NPHP4: variants seen among roughly 807,000 people sequenced by gnomAD.
The protein encoded by NPHP4 is nephrocystin 4.
A neutral mutation model predicts 155.8 loss-of-function variants in NPHP4; 151 were observed. That is an observed-to-expected ratio of 0.97 (90% CI 0.85 to 1.11). The LOEUF (loss-of-function observed/expected upper bound fraction) is 1.11, where lower values mean the gene tolerates loss of function less well. Ranked by LOEUF, NPHP4 falls within the 50% of genes least tolerant of loss-of-function variation. The pLI is 0.00. For missense variants in NPHP4, 1,956 were observed against 1,925.7 expected (o/e 1.02, Z -0.29); for synonymous variants, 845 against 816.8 (o/e 1.03, Z -0.59).
chr1:5,908,197 C>T (rs759170260), intron 12 of NPHP4, among the ~76,000 whole-genome samples: 5 of 152,214 alleles, frequency 3.3e-5, no homozygotes, highest in Admixed American at 6.5e-5. Context: ...ACCCAGCTTC[C>T]CTCAGACCCT....
chr1:5,969,673 C>G (rs577718175), intron 3 of NPHP4, among the ~76,000 whole-genome samples: 1 of 152,322 alleles, frequency 6.6e-6, no homozygotes. Flanking sequence ...CAGCCCAAGA[C>G]GTAACACATC....
At chr1:5,912,366 A>G (rs1014620167) in intron 11 of NPHP4, among the ~76,000 whole-genome samples, 4 of 152,066 alleles carry the variant, frequency 2.6e-5, no homozygotes, top group Admixed American at 2.6e-4. Flanking sequence ...GTGAAACCCC[A>G]TCTCTACTAA....
chr1:5,902,259 T>C (rs1380881793), intron 16 of NPHP4, among the ~76,000 whole-genome samples: 5 of 152,194 alleles, frequency 3.3e-5, no homozygotes, highest in Non-Finnish European at 5.9e-5. Context: ...CAGTCCGAGA[T>C]GTGCTTCCAG....
intron 1 of NPHP4, among the ~76,000 whole-genome samples, chr1:5,989,068 A>T (rs1434937521): frequency 1.3e-5 from 2 of 152,120 alleles, no homozygotes; most frequent in African/African-American, 4.8e-5. Flanking sequence ...CCCCGATTCC[A>T]GCCAGAGACT....
intron 3 of NPHP4, among the ~76,000 whole-genome samples, chr1:5,972,006 G>A (rs1165446655): frequency 1.3e-5 from 2 of 152,168 alleles, no homozygotes; most frequent in East Asian, 1.9e-4. Context: ...TTTGCCTCGG[G>A]GCCCAGTTTC....
chr1:5,942,551 AGG>A (rs1646876002), intron 9 of NPHP4, among the ~76,000 whole-genome samples: 2 of 143,222 alleles, frequency 1.4e-5, no homozygotes, highest in South Asian at 2.2e-4. Flanking sequence ...AAAAAAAAAA[AGG>A]AGACTAAAAT....
At chr1:5,917,215 A>C (rs550219180) in intron 11 of NPHP4, among the ~76,000 whole-genome samples, 1 of 152,258 alleles carries the variant, frequency 6.6e-6, no homozygotes, top group African/African-American at 2.4e-5. Context: ...GACCAAGGCC[A>C]ACTGTCCCCA....
intron 9 of NPHP4, among the ~76,000 whole-genome samples, chr1:5,939,531 G>A (rs930030288): frequency 6.6e-6 from 1 of 152,210 alleles, no homozygotes; most frequent in Admixed American, 6.5e-5. Context: ...TGGCTGGCAC[G>A]TGGGCCCTGC....
At chr1:5,926,082 G>T (rs1013060495) in intron 11 of NPHP4, among the ~76,000 whole-genome samples, 1 of 152,066 alleles carries the variant, frequency 6.6e-6, no homozygotes, top group Non-Finnish European at 1.5e-5. Context: ...ACCACCACAA[G>T]GGATTCTAGT....
chr1:5,871,294 G>A (rs1487188840), intron 23 of NPHP4, among the ~76,000 whole-genome samples: 3 of 152,122 alleles, frequency 2.0e-5, no homozygotes, highest in Non-Finnish European at 4.4e-5. Flanking sequence ...AAGGATGGCG[G>A]TGGCCTGAGA....
At chr1:5,952,627 T>A (rs1292923661) in intron 7 of NPHP4, 73 bp downstream of exon 7, 1 of 355,284 alleles carries the variant, frequency 2.8e-6, no homozygotes, top group Admixed American at 5.0e-5. Context: ...CTGCCCCACC[T>A]CCTCCCTGCC....
intron 1 of NPHP4, among the ~76,000 whole-genome samples, chr1:5,989,040 T>C (rs1655881721): frequency 6.6e-6 from 1 of 152,152 alleles, no homozygotes; most frequent in South Asian, 2.1e-4. Flanking sequence ...CCCAATTCCA[T>C]GTATGGGGAG....
chr1:5,991,957 C>T (rs1656430780), intron 1 of NPHP4, among the ~76,000 whole-genome samples: 1 of 142,826 alleles, frequency 7.0e-6, no homozygotes, highest in South Asian at 2.2e-4. Context: ...GGGCAGGGGG[C>T]AAAGGGCAAG....
rs891685978 is a variant in NPHP4 at position 5,944,999 on chromosome 1, TCACCCG to T, written c.1119+2099_1119+2104del. On this transcript the variant is annotated intron_variant, in intron 9 of 29. Transcript: ENST00000378156. The surrounding 1 kb of genome is among the most constrained non-coding windows in gnomAD (Gnocchi z 4.3). Reference sequence around the variant, plus strand: ...AAGAGAAATCAGTGACTCCATAGCCTCACCCGCACCCGCACCCCAGACGCCCATGAA... The same window carrying T: ...AAGAGAAATCAGTGACTCCATAGCCTCACCCGCACCCCAGACGCCCATGAA... 2.0e-5 allele frequency among the ~76,000 whole-genome samples: 3 copies of T among 152,086 alleles called. No homozygotes were observed. The highest frequency in any genetic ancestry group is 1.3e-4 in the Admixed American group (2 of 15,268).
At chr1:5,980,740 A>C (rs1332658434) in intron 2 of NPHP4, among the ~76,000 whole-genome samples, 8 of 152,122 alleles carry the variant, frequency 5.3e-5, no homozygotes, top group African/African-American at 1.7e-4. Flanking sequence ...CCCAGTACTG[A>C]ATCTCGCATC....
intron 2 of NPHP4, among the ~76,000 whole-genome samples, chr1:5,980,578 G>T (rs985056940): frequency 1.4e-4 from 22 of 152,088 alleles, no homozygotes; most frequent in African/African-American, 5.3e-4. Flanking sequence ...GGAAGCAGGG[G>T]CCAATTAGGA....
intron 6 of NPHP4, among the ~76,000 whole-genome samples, chr1:5,957,623 G>T (rs937561453): frequency 3.5e-5 from 4 of 113,494 alleles, no homozygotes; most frequent in Non-Finnish European, 5.5e-5. Flanking sequence ...CGCTGCAACA[G>T]TGGGATATTT....
chr1:5,906,715 C>T (rs879158076), intron 13 of NPHP4, among the ~76,000 whole-genome samples: 1 of 152,224 alleles, frequency 6.6e-6, no homozygotes, highest in African/African-American at 2.4e-5. Context: ...GCCAGGATGG[C>T]GGGCTCCACT....
intron 9 of NPHP4, among the ~76,000 whole-genome samples, chr1:5,940,361 C>T (rs140142360): frequency 6.6e-6 from 1 of 152,258 alleles, no homozygotes. Flanking sequence ...CTTGGACTCC[C>T]CATCCTCCAG....
Sources: gnomAD v4.1 joint callset for allele counts (sites outside exome capture counted in the v4.1 genomes callset) on GRCh38, gnomAD v4.1.1 for gene constraint, Gnocchi (gnomAD v3.1) non-coding constraint, MANE v1.5 for transcripts, NCBI Gene and HGNC (gene_info 2026-07-23, HGNC 2026-07-21) for gene names.